Variants in NRCAM observed in about 807,000 individuals in gnomAD.
NRCAM encodes neuronal cell adhesion molecule, also known as NgCAM-related cell adhesion molecule.
In NRCAM, 83 loss-of-function variants were observed where a neutral mutation model predicts 156.5. The observed-to-expected ratio is 0.53, with a 90% CI of 0.44 to 0.64. The LOEUF is 0.64. NRCAM is among the 30% of genes least tolerant of loss of function. The probability of loss-of-function intolerance (pLI) is 0.00; values close to 1 mark genes in which losing one functional copy is unlikely to be tolerated. For missense variants in NRCAM, 1,417 were observed against 1,597.3 expected (o/e 0.89, Z 1.92); for synonymous variants, 538 against 563.9 (o/e 0.95, Z 0.65).
chr7:108,238,475 G>A (rs921374905), intron 4 of NRCAM, among the ~76,000 whole-genome samples: 4 of 152,116 alleles, frequency 2.6e-5, no homozygotes, highest in Non-Finnish European at 4.4e-5. Flanking sequence ...GCTGTCTGTC[G>A]TTACTACTTG....
intron 2 of NRCAM, among the ~76,000 whole-genome samples, chr7:108,389,126 T>C (rs1440526958): frequency 1.3e-5 from 2 of 152,214 alleles, no homozygotes; most frequent in East Asian, 3.8e-4. Context: ...GGGGATGGCA[T>C]TGAATCTATA....
intron 2 of NRCAM, among the ~76,000 whole-genome samples, chr7:108,388,391 CT>C (rs1290013151): frequency 3.9e-5 from 6 of 152,138 alleles, no homozygotes; most frequent in South Asian, 2.1e-4. Context: ...CCTTTGCCCA[CT>C]TTTTGATGAG....
chr7:108,344,153 T>C (rs1390404207), intron 2 of NRCAM, among the ~76,000 whole-genome samples: 1 of 152,108 alleles, frequency 6.6e-6, no homozygotes. Flanking sequence ...GGTTTTCCTG[T>C]TGAGAGGGGG....
At chr7:108,297,649 C>T (rs952041367) in intron 3 of NRCAM, among the ~76,000 whole-genome samples, 8 of 151,866 alleles carry the variant, frequency 5.3e-5, no homozygotes, top group Admixed American at 3.3e-4. Flanking sequence ...TCTGTCCTCA[C>T]AAACCTTACA....
chr7:108,217,380 G>T (rs1396253259), intron 11 of NRCAM, among the ~76,000 whole-genome samples: 4 of 152,230 alleles, frequency 2.6e-5, no homozygotes, highest in African/African-American at 9.6e-5. Context: ...GTGTCTCCCA[G>T]TCAGGAGGCA....
At chr7:108,298,654 AAAAAAACCAAAAAAAC>A (rs2098505041) in intron 3 of NRCAM, among the ~76,000 whole-genome samples, 1 of 71,224 alleles carries the variant, frequency 1.4e-5, no homozygotes, top group Admixed American at 1.7e-4. Context: ...CTCCATCTCA[AAAAAAACCAAAAAAAC>A]AAAAAAACAA....
chr7:108,276,694 G>A (rs1479140718), intron 3 of NRCAM, among the ~76,000 whole-genome samples: 1 of 151,902 alleles, frequency 6.6e-6, no homozygotes, highest in Non-Finnish European at 1.5e-5. Flanking sequence ...TATCTAATTT[G>A]CCAGTCTGTG....
At chr7:108,426,369 T>C (rs1817319178) in intron 1 of NRCAM, among the ~76,000 whole-genome samples, 1 of 152,246 alleles carries the variant, frequency 6.6e-6, no homozygotes, top group Non-Finnish European at 1.5e-5. Flanking sequence ...CACTTGATAC[T>C]TCCCCTTTAT....
intron 3 of NRCAM, among the ~76,000 whole-genome samples, chr7:108,299,110 A>AGAAAGAAAG (rs1279906799): frequency 6.0e-5 from 1 of 16,666 alleles, no homozygotes; most frequent in African/African-American, 1.2e-4. Flanking sequence ...CATCTCAAAA[A>AGAAAGAAAG]AAAAAAAGAA....
Position 108,232,450 on chromosome 7 carries a change from T to A in NRCAM, c.303A>T (p.Thr101=). The A allele has an allele frequency of 6.2e-7, 1 of 1,613,734 alleles. No homozygotes were observed. Among genetic ancestry groups the A allele is most frequent in the Non-Finnish European group, 8.5e-7 (1 of 1,179,754 alleles). The change falls in exon 7 of 33, where the codon ACA becomes ACT. Residue 101 remains threonine (T), a synonymous_variant. Transcript: ENST00000379028. ...TCATGATGTTAATTATGAGCGTTCC[T>A]GTGCCAGGCTTCATGGTGACCAGAG... ...KDPLVTMKPG[T]GTLIINIMSE...
intron 2 of NRCAM, among the ~76,000 whole-genome samples, chr7:108,384,824 G>T (rs913109572): frequency 6.6e-6 from 1 of 152,162 alleles, no homozygotes; most frequent in African/African-American, 2.4e-5. Context: ...CCTACTATTG[G>T]TTCATCACAT....
chr7:108,406,079 C>G (rs2099806598), intron 1 of NRCAM, among the ~76,000 whole-genome samples: 1 of 151,820 alleles, frequency 6.6e-6, no homozygotes, highest in African/African-American at 2.4e-5. Flanking sequence ...AGGACTATTC[C>G]TGGCCTAGCA....
chr7:108,347,331 C>T (rs987874643), intron 2 of NRCAM, among the ~76,000 whole-genome samples: 2 of 152,112 alleles, frequency 1.3e-5, no homozygotes, highest in Non-Finnish European at 2.9e-5. Flanking sequence ...CCACCGCGCC[C>T]GGCTTATATT....
At chr7:108,191,434 T>C (rs1319689354) in intron 18 of NRCAM, among the ~76,000 whole-genome samples, 151 bp from the exon 19 acceptor site, 2 of 152,184 alleles carry the variant, frequency 1.3e-5, no homozygotes, top group Non-Finnish European at 2.9e-5. Flanking sequence ...AAACATGCAG[T>C]AACAATTTAG....
intron 1 of NRCAM, among the ~76,000 whole-genome samples, chr7:108,440,810 C>A (rs182370739): frequency 6.6e-6 from 1 of 152,284 alleles, no homozygotes; most frequent in East Asian, 1.9e-4. Flanking sequence ...CTGGGAATGC[C>A]TTTCAAGTCT....
chr7:108,418,330 A>G (rs976890555), intron 1 of NRCAM, among the ~76,000 whole-genome samples: 14 of 152,202 alleles, frequency 9.2e-5, no homozygotes, highest in African/African-American at 2.9e-4. Context: ...TCTATTGAGA[A>G]GAAAGACAAG....
chr7:108,215,690 G>A (rs1237560375), intron 11 of NRCAM, among the ~76,000 whole-genome samples: 2 of 147,576 alleles, frequency 1.4e-5, no homozygotes, highest in Non-Finnish European at 3.0e-5. Flanking sequence ...ATCTTTGCTG[G>A]TTTAAAGTCT....
intron 2 of NRCAM, among the ~76,000 whole-genome samples, chr7:108,368,725 G>GA (rs937371489): frequency 1.5e-4 from 23 of 149,434 alleles, no homozygotes; most frequent in South Asian, 2.1e-4. Context: ...CCTCAAACCA[G>GA]AAAAAAAAAC....
chr7:108,378,842 T>C (rs779242430), intron 2 of NRCAM, among the ~76,000 whole-genome samples: 36 of 151,182 alleles, frequency 2.4e-4, no homozygotes, highest in Middle Eastern at 3.4e-3. Context: ...GAAGGAGGAT[T>C]ATAGAAAAGA....
Sources: allele counts gnomAD v4.1 joint callset (sites outside exome capture counted in the v4.1 genomes callset), GRCh38; gene constraint gnomAD v4.1.1; transcripts MANE v1.5; gene names NCBI Gene and HGNC (gene_info 2026-07-23, HGNC 2026-07-21).